The following CADPS variants were observed in gnomAD, a reference collection of about 807,000 sequenced individuals.
CADPS encodes calcium dependent secretion activator.
A neutral mutation model predicts 167.3 loss-of-function variants in CADPS; 57 were observed. The observed-to-expected ratio is 0.34, with a 90% CI of 0.28 to 0.42. The LOEUF is 0.42. Among genes scored for constraint, CADPS ranks in the 20% least tolerant of loss-of-function variants. The probability of loss-of-function intolerance (pLI) is 1.00; values close to 1 mark genes in which losing one functional copy is unlikely to be tolerated. For missense variants in CADPS, 1,414 were observed against 1,738.1 expected, an observed-to-expected ratio of 0.81 and a Z score of 3.32; for synonymous variants, 676 against 635.3, an observed-to-expected ratio of 1.06 and a Z score of -0.96.
intron 13 of CADPS, among the ~76,000 whole-genome samples, chr3:62,526,331 C>G (rs62243495): frequency 0.12 from 18,953 of 152,132 alleles, 1,752 homozygotes; most frequent in African/African-American, 0.26. Flanking sequence ...CTTTGGATTG[C>G]GGCGGTTGGC....
Position 62,615,360 on chromosome 3 carries a change from T to C in CADPS, c.1326-22612A>G, listed in dbSNP as rs576948913. Among the ~76,000 whole-genome samples, 100 of 152,322 alleles carry C rather than the reference T, an allele frequency of 6.6e-4. 1 individual carries two copies. The highest frequency in any genetic ancestry group is 3.4e-3 in the Middle Eastern group (1 of 294). On this transcript the variant is annotated intron_variant, in intron 6 of 29. Transcript: ENST00000383710. ...GGGTTACTACAAGAGTGACTCTTAGTTGGGAGTTATGCTAATGACTCTCCC... is the reference window on the plus strand; with the variant it reads ...GGGTTACTACAAGAGTGACTCTTAGCTGGGAGTTATGCTAATGACTCTCCC...
At chr3:62,627,346 A>C (rs2064285293) in intron 6 of CADPS, among the ~76,000 whole-genome samples, 1 of 152,176 alleles carries the variant, frequency 6.6e-6, no homozygotes, top group African/African-American at 2.4e-5. Flanking sequence ...AGTTTTACCC[A>C]GCTTTGCAAA....
rs940049651 is a variant in CADPS at position 62,851,892 on chromosome 3, C to T, written c.441+22697G>A. ...TGTTTTCCAACTTGGTTCCATTCTC[C>T]GCATCACTTTCAGGTACACAAATCA... On this transcript the variant is annotated intron_variant, in intron 1 of 29. Coordinates refer to ENST00000383710, the MANE Select transcript of CADPS (RefSeq NM_003716.4). 1.5e-4 allele frequency among the ~76,000 whole-genome samples: 23 copies of T among 151,790 alleles called. No individual in the cohort carries two copies. The South Asian group carries it at 1.7e-3, about 11-fold the overall frequency.
chr3:62,587,570 G>A (rs2084924537), intron 7 of CADPS, among the ~76,000 whole-genome samples: 2 of 152,198 alleles, frequency 1.3e-5, no homozygotes, highest in Non-Finnish European at 2.9e-5. Flanking sequence ...ACCGCGGTAA[G>A]TAAGAAAGGC....
At chr3:62,538,369 A>G (rs1442664137) in intron 11 of CADPS, among the ~76,000 whole-genome samples, 1 of 152,108 alleles carries the variant, frequency 6.6e-6, no homozygotes, top group African/African-American at 2.4e-5. Context: ...CTCCCCTGGC[A>G]TAATGACACT....
At position 62,478,307 on chromosome 3, in the gene CADPS, G is replaced by A. The variant is rs2061566870; in HGVS notation, c.3283C>T (p.Arg1095Trp). Residue 1095 changes from arginine (R) to tryptophan (W), a missense_variant, in exon 23 of 30, where the codon CGG becomes TGG. This residue lies in a region of CADPS where 529 missense variants were observed against 629.6 expected (regional missense o/e 0.84). Transcript: ENST00000383710. This position sits in a 1 kb window ranked among gnomAD's most constrained non-coding sequence, Gnocchi z 5.7. ...EEEFGKHLEQ[R>W]LKLMASDMIE... ...ATGTCACTTGCCATCAACTTCAGCC[G>A]TTGTTCCAGGTGCTTTCCAAACTCT... 3.1e-6 allele frequency: 5 copies of A among 1,613,742 alleles called. No homozygotes were observed. Among genetic ancestry groups the A allele is most frequent in the South Asian group, 1.1e-5 (1 of 91,074 alleles).
In CADPS at chr3:62,431,475, G is replaced by A. The variant is rs527843347; in HGVS notation, c.3777+6629C>T. 2.0e-5 allele frequency among the ~76,000 whole-genome samples: 3 copies of A among 151,084 alleles called. No individual in the cohort carries two copies. In the East Asian group the frequency reaches 5.8e-4, roughly 29 times the overall value. ...ACAGCTTAAATAAAAAACCCCGGTT[G>A]AATTCTGCTAAGTTACTAATTATGT... On this transcript the variant is annotated intron_variant, in intron 28 of 29. Transcript: ENST00000383710.
At chr3:62,645,467 C>T (rs775528996) in intron 6 of CADPS, among the ~76,000 whole-genome samples, 4 of 152,160 alleles carry the variant, frequency 2.6e-5, no homozygotes, top group Admixed American at 2.6e-4. Context: ...ACTAATCTCT[C>T]GAGGGTGAAT....
intron 3 of CADPS, among the ~76,000 whole-genome samples, chr3:62,670,710 T>A (rs1243545978): frequency 6.6e-6 from 1 of 151,904 alleles, no homozygotes; most frequent in African/African-American, 2.4e-5. Flanking sequence ...AGAAAACCAA[T>A]CCAGTTCTTT....
At chr3:62,806,430 G>A (rs1467762123) in intron 1 of CADPS, among the ~76,000 whole-genome samples, 2 of 151,802 alleles carry the variant, frequency 1.3e-5, no homozygotes, top group Non-Finnish European at 2.9e-5. Context: ...TACTCAGAAG[G>A]CTGAGGCAGG....
At chr3:62,608,515 G>A (rs1252195695) in intron 6 of CADPS, among the ~76,000 whole-genome samples, 1 of 152,064 alleles carries the variant, frequency 6.6e-6, no homozygotes, top group Non-Finnish European at 1.5e-5. Flanking sequence ...CTGGGCTCAA[G>A]TGATTCACCC....
chr3:62,677,084 C>T (rs1032802034), intron 3 of CADPS, among the ~76,000 whole-genome samples: 1 of 152,098 alleles, frequency 6.6e-6, no homozygotes, highest in Non-Finnish European at 1.5e-5. Flanking sequence ...AGGGTTGGAG[C>T]TATACCTCCC....
chr3:62,633,550 C>G (rs147097373), intron 6 of CADPS, among the ~76,000 whole-genome samples: 3 of 151,992 alleles, frequency 2.0e-5, no homozygotes, highest in Admixed American at 6.6e-5. Context: ...GCCTTCTTGC[C>G]GTAGAGTCTC....
chr3:62,681,707 T>C (rs1446519690), intron 3 of CADPS, among the ~76,000 whole-genome samples: 5 of 152,078 alleles, frequency 3.3e-5, no homozygotes, highest in African/African-American at 9.7e-5. Context: ...TGGATTCCCA[T>C]GTAATGCAGT....
rs868712401 is a variant in CADPS, at chr3:62,670,774, T to C, written c.889-8380A>G. Among the ~76,000 whole-genome samples the C allele has an allele frequency of 6.6e-5, 10 of 152,158 alleles. 1 individual carries two copies. In the South Asian group the frequency reaches 1.7e-3, roughly 25 times the overall value. ...CCCCATCTTCCCCGCAGTCCTGAAA[T>C]GACCTCCCCTCTTCTTTTCCTTTCT... On this transcript the variant is annotated intron_variant, in intron 3 of 29. Coordinates refer to ENST00000383710, the MANE Select transcript of CADPS (RefSeq NM_003716.4).
chr3:62,715,583 A>G (rs1315610923), intron 3 of CADPS, among the ~76,000 whole-genome samples: 1 of 151,042 alleles, frequency 6.6e-6, no homozygotes, highest in Non-Finnish European at 1.5e-5. Flanking sequence ...ACTTGCAGAT[A>G]AAGTCCTTAA....
At chr3:62,517,281 CTG>C (rs2069231397) in intron 14 of CADPS, among the ~76,000 whole-genome samples, 1 of 152,262 alleles carries the variant, frequency 6.6e-6, no homozygotes, top group South Asian at 2.1e-4. Flanking sequence ...CGTCAGAACA[CTG>C]TGCATGGGAC....
At chr3:62,621,318 T>C (rs753347224) in intron 6 of CADPS, among the ~76,000 whole-genome samples, 4 of 151,786 alleles carry the variant, frequency 2.6e-5, no homozygotes, top group African/African-American at 9.7e-5. Context: ...GGAAGTTGAG[T>C]TGCGTGTGTC....
chr3:62,858,864 A>C (rs2080209595), intron 1 of CADPS, among the ~76,000 whole-genome samples: 1 of 152,138 alleles, frequency 6.6e-6, no homozygotes, highest in African/African-American at 2.4e-5. Flanking sequence ...CAAATAAAAA[A>C]ATTACTGTAT....
Sources: allele counts gnomAD v4.1 joint callset (sites outside exome capture counted in the v4.1 genomes callset), GRCh38; gene constraint gnomAD v4.1.1; regional missense constraint gnomAD v4.1.1; non-coding constraint Gnocchi (gnomAD v3.1); transcripts MANE v1.5; gene names NCBI Gene and HGNC (gene_info 2026-07-23, HGNC 2026-07-21).